The following PARL variants were observed in gnomAD, a reference collection of about 807,000 sequenced individuals.
PARL encodes the protein presenilin-associated rhomboid-like protein, mitochondrial.
In PARL, 44 loss-of-function variants were observed where a neutral mutation model predicts 51.6. That is an observed-to-expected ratio of 0.85 (90% CI 0.67 to 1.10). PARL has a LOEUF of 1.10. Ranked by LOEUF, PARL falls within the 50% of genes least tolerant of loss-of-function variation. The pLI, the probability that PARL is intolerant of heterozygous loss-of-function variation, is 0.00. For missense variants in PARL, 441 were observed against 469.5 expected (o/e 0.94, Z 0.56); for synonymous variants, 172 against 164.0 (o/e 1.05, Z -0.37).
chr3:183,866,821 A>T, intron 2 of PARL, 56 bp from the exon 3 acceptor site: 2 of 1,231,126 alleles, frequency 1.6e-6, no homozygotes, highest in Non-Finnish European at 2.4e-6. Flanking sequence ...AGATCTATAC[A>T]TTATTTCCAA....
At chr3:183,845,748 A>G (rs1185673295) in intron 4 of PARL, among the ~76,000 whole-genome samples, 1 of 152,140 alleles carries the variant, frequency 6.6e-6, no homozygotes, top group East Asian at 1.9e-4. Context: ...TGGGAGGTTT[A>G]CCCTATAGGA....
chr3:183,877,085 G>T (rs892164934), intron 1 of PARL, among the ~76,000 whole-genome samples: 3 of 152,146 alleles, frequency 2.0e-5, no homozygotes, highest in Admixed American at 2.0e-4. Context: ...ATGGTGGTGG[G>T]TGCCTGTAAT....
intron 1 of PARL, chr3:183,879,598 G>T: frequency 3.9e-6 from 1 of 255,930 alleles, no homozygotes; most frequent in Non-Finnish European, 6.1e-6. Context: ...TCCCCTAATT[G>T]TTTAGGTCAG....
intron 1 of PARL, among the ~76,000 whole-genome samples, chr3:183,877,343 G>A (rs1167790654): frequency 1.3e-5 from 2 of 152,218 alleles, no homozygotes; most frequent in African/African-American, 2.4e-5. Flanking sequence ...AAAGGAAGTG[G>A]TTTCTTGAGA....
chr3:183,848,600 C>T (rs1017754278), intron 4 of PARL, among the ~76,000 whole-genome samples: 3 of 152,186 alleles, frequency 2.0e-5, no homozygotes, highest in Non-Finnish European at 2.9e-5. Flanking sequence ...GGAGCTGGAG[C>T]TCTTTCAAAG....
intron 4 of PARL, among the ~76,000 whole-genome samples, chr3:183,851,592 T>C (rs1199855121): frequency 6.6e-6 from 1 of 152,058 alleles, no homozygotes; most frequent in East Asian, 1.9e-4. Context: ...ACCACAGTGA[T>C]ACACCCCTTC....
At chr3:183,840,081 C>G (rs1244756886) in intron 7 of PARL, among the ~76,000 whole-genome samples, 2 of 152,144 alleles carry the variant, frequency 1.3e-5, no homozygotes, top group African/African-American at 2.4e-5. Flanking sequence ...AGGGCAGGAG[C>G]CTTTTTTGTT....
At chr3:183,869,095 A>T (rs1732872461) in intron 1 of PARL, among the ~76,000 whole-genome samples, 1 of 152,128 alleles carries the variant, frequency 6.6e-6, no homozygotes, top group Admixed American at 6.5e-5. Flanking sequence ...ACCCCATTCA[A>T]ACTCAACCCA....
chr3:183,883,690 T>C, intron 1 of PARL: 1 of 985,018 alleles, frequency 1.0e-6, no homozygotes, highest in Non-Finnish European at 1.2e-6. Context: ...AGATCTATGT[T>C]AGTGTATGAA....
chr3:183,862,696 C>T, intron 4 of PARL, 57 bp downstream of exon 4: 1 of 1,342,076 alleles, frequency 7.5e-7, no homozygotes, highest in Non-Finnish European at 1.1e-6. Flanking sequence ...ACATACTGTA[C>T]CTTTTGGTTT....
intron 1 of PARL, among the ~76,000 whole-genome samples, chr3:183,871,414 C>T (rs2108689387): frequency 6.6e-6 from 1 of 151,376 alleles, no homozygotes; most frequent in East Asian, 1.9e-4. Context: ...AAAATGCTTG[C>T]AGTCATGGCA....
chr3:183,846,727 C>T (rs1318492136), intron 4 of PARL: 1 of 454,184 alleles, frequency 2.2e-6, no homozygotes, highest in African/African-American at 2.1e-5. Flanking sequence ...AGACACATCC[C>T]ATATATGTAT....
In PARL at chr3:183,882,223, ATATATATATATATATATATATTTATAT is replaced by A. The variant is rs1236572866; in HGVS notation, c.125+2472_125+2498del. On this transcript the variant is annotated intron_variant, in intron 1 of 9. Transcript: ENST00000317096. ...TGTCTCTAAAAAAAAAAAAAAAAAA[ATATATATATATATATATATATTTATAT>A]ATATATATATATATATATTTATATA... 1.1e-4 allele frequency among the ~76,000 whole-genome samples: 4 copies of A among 35,376 alleles called. 1 individual carries two copies. The highest frequency in any genetic ancestry group is 4.4e-4 in the African/African-American group (4 of 9,128). The allele number at this position is 35,376 out of a possible 152,430, so 23.2% of individuals were successfully genotyped here. A position where few individuals can be genotyped will look rare whatever the true frequency, so the allele number is the denominator to read the frequency against.
At chr3:183,869,922 CCT>C (rs1245378933) in intron 1 of PARL, among the ~76,000 whole-genome samples, 4 of 151,996 alleles carry the variant, frequency 2.6e-5, no homozygotes. Context: ...TCTACAAACA[CCT>C]CCATTTTCTG....
chr3:183,848,157 A>C (rs142523858), intron 4 of PARL, among the ~76,000 whole-genome samples: 56 of 152,378 alleles, frequency 3.7e-4, no homozygotes, highest in African/African-American at 1.3e-3. Flanking sequence ...AACTAATCAA[A>C]GGCTTATAGC....
intron 1 of PARL, among the ~76,000 whole-genome samples, chr3:183,873,450 ACT>A (rs1024089054): frequency 3.3e-5 from 5 of 151,668 alleles, no homozygotes; most frequent in Admixed American, 1.3e-4. Flanking sequence ...AAGGCAGGAG[ACT>A]CTCTAGAACC....
chr3:183,862,562 A>G, intron 4 of PARL, 191 bp downstream of exon 4: 2 of 581,658 alleles, frequency 3.4e-6, no homozygotes, highest in Non-Finnish European at 6.2e-6. Flanking sequence ...TTAGAAAGTA[A>G]CGGACCCAGA....
chr3:183,869,947 A>T (rs956498941), intron 1 of PARL, among the ~76,000 whole-genome samples: 2 of 151,858 alleles, frequency 1.3e-5, no homozygotes, highest in African/African-American at 4.8e-5. Context: ...GTACTCTTTC[A>T]ATAAGACCAC....
At chr3:183,862,728 T>G in intron 4 of PARL, 25 bp downstream of exon 4, 1 of 1,599,316 alleles carries the variant, frequency 6.3e-7, no homozygotes. Context: ...CCTTGAATGG[T>G]TAAAACGTGT....
Sources: gnomAD v4.1 joint callset for allele counts (sites outside exome capture counted in the v4.1 genomes callset) on GRCh38, gnomAD v4.1.1 for gene constraint, MANE v1.5 for transcripts, NCBI Gene and HGNC (gene_info 2026-07-23, HGNC 2026-07-21) for gene names.